The following FAM111A variants were observed in gnomAD, a reference collection of about 807,000 sequenced individuals.
FAM111A encodes serine protease FAM111A.
Under a neutral mutation model 3.3 loss-of-function variants are expected in FAM111A, and 8 were observed. The observed-to-expected ratio is 2.39, with a 90% CI of 1.40 to 4.32. The LOEUF is 4.32. FAM111A is among the 30% of genes most tolerant of loss of function. The pLI is 0.00. For missense variants in FAM111A, 683 were observed against 727.6 expected (o/e 0.94, Z 0.71); for synonymous variants, 227 against 243.1 (o/e 0.93, Z 0.62).
At chr11:59,146,626 T>G (rs145016031) in intron 4 of FAM111A, among the ~76,000 whole-genome samples, 2 of 152,348 alleles carry the variant, frequency 1.3e-5, no homozygotes, top group East Asian at 3.9e-4. Context: ...GCTAAATGAA[T>G]TTCCCTAGTC....
In FAM111A at chr11:59,152,258, G is replaced by A. The variant is rs937066755; in HGVS notation, c.590G>A (p.Arg197Lys). Residue 197 changes from arginine (R) to lysine (K), a missense_variant, in exon 6 of 6, where the codon AGG becomes AAG. Arg to Lys is a conservative substitution (Grantham distance 26). Coordinates refer to ENST00000675163, the MANE Select transcript of FAM111A (RefSeq NM_001312909.2). ...HAIGIGKCKR[R>K]IVKCGKLHKK... ...ATTGGAATTGGGAAGTGTAAAAGAA[G>A]GATTGTTAAATGTGGGAAGCTTCAC... The A allele has an allele frequency of 1.2e-6, 2 of 1,614,032 alleles. No homozygotes were observed. The highest frequency in any genetic ancestry group is 2.7e-5 in the African/African-American group (2 of 74,930).
At chr11:59,146,105 T>C (rs1275707515) in intron 4 of FAM111A, among the ~76,000 whole-genome samples, 1 of 146,246 alleles carries the variant, frequency 6.8e-6, no homozygotes, top group Non-Finnish European at 1.5e-5. Context: ...AGAGATGAAG[T>C]CTCGCTCTGT....
Position 59,153,496 on chromosome 11 carries a change from G to A in FAM111A, c.1828G>A (p.Asp610Asn). The A allele has an allele frequency of 6.3e-7, 1 of 1,596,904 alleles. No individual in the cohort carries two copies. Among genetic ancestry groups the A allele is most frequent in the Non-Finnish European group, 8.5e-7 (1 of 1,171,824 alleles). The change falls in exon 6 of 6, where the codon GAC becomes AAC. Residue 610 changes from aspartate (D) to asparagine (N), a missense_variant. Around this residue, in one of 3 missense-constraint regions of FAM111A, gnomAD observed 122 missense variants for 110.9 expected, o/e 1.10. Coordinates refer to ENST00000675163, the MANE Select transcript of FAM111A (RefSeq NM_001312909.2). ...GGATGTAGAAATGATGAGTGATGAG[G>A]ACTTGTGAGAATTCAGTCTACTGGA... ...QQDVEMMSDEDL is the reference protein window; with the variant it reads ...QQDVEMMSDENL
At chr11:59,147,827 C>T (rs577891412) in intron 4 of FAM111A, among the ~76,000 whole-genome samples, 1 of 152,190 alleles carries the variant, frequency 6.6e-6, no homozygotes, top group South Asian at 2.1e-4. Flanking sequence ...AGTTTTATGA[C>T]CTTGAGTAAA....
chr11:59,154,401 G>A lies in FAM111A; in HGVS notation c.*897G>A, dbSNP rs1161531210. 6.6e-6 allele frequency: 1 copy of A among 152,096 alleles called. No homozygotes were observed. Among genetic ancestry groups the A allele is most frequent in the Non-Finnish European group, 1.5e-5 (1 of 68,012 alleles). 9.4% of individuals were successfully genotyped at this position (152,096 alleles called of 1,614,324 possible). A position where few individuals can be genotyped will look rare whatever the true frequency, so the allele number is the denominator to read the frequency against. ...ATAGTCACTCTTCCCATATTTATAG[G>A]CTATTAAGGCAAGGGATATCTTAAA... On this transcript the variant is annotated 3_prime_UTR_variant, in exon 6 of 6. Coordinates refer to ENST00000675163, the MANE Select transcript of FAM111A (RefSeq NM_001312909.2).
chr11:59,145,994 C>A (rs1319907184), intron 4 of FAM111A, 138 bp downstream of exon 4: 1 of 151,648 alleles, frequency 6.6e-6, no homozygotes, highest in African/African-American at 2.4e-5. Context: ...TATTTACACA[C>A]ACTGTATATA....
At position 59,153,077 on chromosome 11, in the gene FAM111A, A is replaced by G; in HGVS notation, c.1409A>G (p.His470Arg). ...ITPVPLSGLI[H>R]IIGHPYGEKK... is the part of the protein sequence containing the mutation. ...CCTGTGCCACTTAGTGGGTTGATACATATTATTGGCCATCCATATGGAGAA... is the reference window on the plus strand; with the variant it reads ...CCTGTGCCACTTAGTGGGTTGATACGTATTATTGGCCATCCATATGGAGAA... Residue 470 changes from histidine (H) to arginine (R), a missense_variant, in exon 6 of 6, where the codon CAT becomes CGT. Transcript: ENST00000675163. The G allele has an allele frequency of 6.2e-7, 1 of 1,614,206 alleles. No individual in the cohort carries two copies. Among genetic ancestry groups the G allele is most frequent in the Non-Finnish European group, 8.5e-7 (1 of 1,180,032 alleles).
chr11:59,149,370 C>A (rs953555528), intron 5 of FAM111A, among the ~76,000 whole-genome samples: 1 of 152,008 alleles, frequency 6.6e-6, no homozygotes, highest in Admixed American at 6.6e-5. Flanking sequence ...TTTTATAGTT[C>A]TTCTTGCCAA....
chr11:59,152,450 G>A lies in FAM111A; in HGVS notation c.782G>A (p.Gly261Asp), dbSNP rs1861810560. Reference protein sequence around the residue: ...ESTQPVDELEGRYFQVEVEKR... With the variant: ...ESTQPVDELEDRYFQVEVEKR... ...ACCCAGCCAGTTGATGAATTAGAAGGCAGATACTTTCAGGTTGAGGTTGAG... is the reference window on the plus strand; with the variant it reads ...ACCCAGCCAGTTGATGAATTAGAAGACAGATACTTTCAGGTTGAGGTTGAG... Residue 261 changes from glycine (G) to aspartate (D), a missense_variant, in exon 6 of 6, where the codon GGC (glycine) becomes GAC (aspartate). Gly to Asp is a moderately conservative substitution (Grantham distance 94, BLOSUM62 -1). Transcript: ENST00000675163. 1.2e-6 allele frequency: 2 copies of A among 1,612,692 alleles called. No homozygotes were observed. Among genetic ancestry groups the A allele is most frequent in the South Asian group, 1.1e-5 (1 of 91,052 alleles).
At position 59,153,904 on chromosome 11, in the gene FAM111A, A is replaced by T. The variant is rs1862039681; in HGVS notation, c.*400A>T. The T allele has an allele frequency of 6.6e-6, 1 of 151,658 alleles. No homozygotes were observed. Among genetic ancestry groups the T allele is most frequent in the Admixed American group, 6.6e-5 (1 of 15,138 alleles). The allele number at this position is 151,658 out of a possible 1,614,324, so 9.4% of individuals were successfully genotyped here. A position where few individuals can be genotyped will look rare whatever the true frequency, so the allele number is the denominator to read the frequency against. ...TTTTTTTTGTATTTTTAGTAGAGAC[A>T]GGGTTTCACCATGTTGGTCAGGCGG... On this transcript the variant is annotated 3_prime_UTR_variant, in exon 6 of 6. Transcript: ENST00000675163.
intron 4 of FAM111A, chr11:59,148,452 T>G (rs1330734467): frequency 6.4e-6 from 1 of 157,190 alleles, no homozygotes; most frequent in African/African-American, 2.4e-5. Context: ...ATACTTGCAT[T>G]TGAATTCCAT....
In FAM111A at chr11:59,151,891, A is replaced by G; in HGVS notation, c.223A>G (p.Asn75Asp). The G allele has an allele frequency of 1.2e-6, 2 of 1,614,228 alleles. No individual in the cohort carries two copies. The highest frequency in any genetic ancestry group is 1.1e-5 in the South Asian group (1 of 91,090). ...TCCAGAAGACCAGACCATGCCCCAA[A>G]ATAGGACAATATATGTTACCTTGAA... is the stretch of plus-strand genomic sequence containing the variant. ...KNPEDQTMPQ[N>D]RTIYVTLKVN... The change falls in exon 6 of 6, where the codon AAT becomes GAT. Residue 75 changes from asparagine to aspartate, a missense_variant. Coordinates refer to ENST00000675163, the MANE Select transcript of FAM111A (RefSeq NM_001312909.2).
chr11:59,150,753 G>A (rs1456134817), intron 5 of FAM111A, among the ~76,000 whole-genome samples: 1 of 152,126 alleles, frequency 6.6e-6, no homozygotes, highest in Non-Finnish European at 1.5e-5. Flanking sequence ...TTATTTATTG[G>A]TTATTATGTG....
chr11:59,152,884 C>T lies in FAM111A; in HGVS notation c.1216C>T (p.Gln406Ter). ...EPSKWATIIG[Q>*]CVRVTFGYEE... The stretch of plus-strand genomic sequence containing the variant: ...AAGTAAGTGGGCAACCATAATTGGT[C>T]AATGTGTAAGGGTGACATTTGGTTA... The change falls in exon 6 of 6, where the codon CAA becomes TAA. Residue 406 changes from glutamine (Q) to a stop codon, truncating the protein, a stop_gained. Transcript: ENST00000675163. LOFTEE classifies it low-confidence loss of function (END_TRUNC). 1.2e-6 allele frequency: 2 copies of T among 1,614,034 alleles called. No homozygotes were observed. Among genetic ancestry groups the T allele is most frequent in the Middle Eastern group, 3.3e-4 (2 of 6,062 alleles).
chr11:59,154,603 T>C lies in FAM111A; in HGVS notation c.*1099T>C, dbSNP rs1023860184. 2.6e-5 allele frequency: 4 copies of C among 152,202 alleles called. No individual in the cohort carries two copies. The highest frequency in any genetic ancestry group is 9.7e-5 in the African/African-American group (4 of 41,438). 9.4% of individuals were successfully genotyped at this position (152,202 alleles called of 1,614,324 possible). A position where few individuals can be genotyped will look rare whatever the true frequency, so the allele number is the denominator to read the frequency against. On this transcript the variant is annotated 3_prime_UTR_variant, in exon 6 of 6. Coordinates refer to ENST00000675163, the MANE Select transcript of FAM111A (RefSeq NM_001312909.2). ...CTGTTTTCCATTTCCATTGCAATAC[T>C]ACTAAAGCCATACAATATCAAGCAC...
intron 5 of FAM111A, among the ~76,000 whole-genome samples, chr11:59,151,325 A>G (rs1861633461): frequency 6.6e-6 from 1 of 152,092 alleles, no homozygotes; most frequent in Non-Finnish European, 1.5e-5. Context: ...TAATTTTTGT[A>G]TTTTCAGTAG....
intron 5 of FAM111A, among the ~76,000 whole-genome samples, chr11:59,150,216 C>G (rs1242357671): frequency 6.6e-6 from 1 of 152,122 alleles, no homozygotes; most frequent in Non-Finnish European, 1.5e-5. Context: ...AAAGATGTTT[C>G]TGACAGCATT....
chr11:59,148,807 A>G lies in FAM111A; in HGVS notation c.-66A>G, dbSNP rs1861273323. ...TACAATTAATGACAGCTTTGAAGATACTGCTATAATTTGAAAATTTGAAAT... is the reference window on the plus strand; with the variant it reads ...TACAATTAATGACAGCTTTGAAGATGCTGCTATAATTTGAAAATTTGAAAT... On this transcript the variant is annotated 5_prime_UTR_variant, in exon 5 of 6. The change creates a new upstream start codon in the 5' untranslated region. Coordinates refer to ENST00000675163, the MANE Select transcript of FAM111A (RefSeq NM_001312909.2). 2.8e-6 allele frequency: 3 copies of G among 1,080,320 alleles called. No homozygotes were observed. In the East Asian group the frequency reaches 7.2e-5, roughly 26 times the overall value. 66.9% of individuals were successfully genotyped at this position (1,080,320 alleles called of 1,614,324 possible). A position where few individuals can be genotyped will look rare whatever the true frequency, so the allele number is the denominator to read the frequency against.
chr11:59,153,060 A>G lies in FAM111A; in HGVS notation c.1392A>G (p.Pro464=). The change falls in exon 6 of 6, where the codon CCA becomes CCG. Residue 464 remains proline, a synonymous_variant. Transcript: ENST00000675163. ...MELYNGITPV[P]LSGLIHIIGH... ...TATATAATGGAATTACTCCTGTGCCACTTAGTGGGTTGATACATATTATTG... is the reference window on the plus strand; with the variant it reads ...TATATAATGGAATTACTCCTGTGCCGCTTAGTGGGTTGATACATATTATTG... The G allele has an allele frequency of 6.2e-7, 1 of 1,614,190 alleles. No individual in the cohort carries two copies. Among genetic ancestry groups the G allele is most frequent in the Non-Finnish European group, 8.5e-7 (1 of 1,180,034 alleles).
Sources: gnomAD v4.1 joint callset for allele counts (sites outside exome capture counted in the v4.1 genomes callset) on GRCh38, gnomAD v4.1.1 for gene constraint, gnomAD v4.1.1 regional missense constraint, MANE v1.5 for transcripts, NCBI Gene and HGNC (gene_info 2026-07-23, HGNC 2026-07-21) for gene names.